MGMT: variants seen among roughly 807,000 people sequenced by gnomAD.
MGMT encodes O-6-methylguanine-DNA methyltransferase.
A neutral mutation model predicts 15.9 loss-of-function variants in MGMT; 14 were observed. That is an observed-to-expected ratio of 0.88 (90% CI 0.58 to 1.37). The LOEUF (loss-of-function observed/expected upper bound fraction) is 1.37, where lower values mean the gene tolerates loss of function less well. Among genes scored for constraint, MGMT ranks in the 40% most tolerant of loss-of-function variants. The probability of loss-of-function intolerance (pLI) is 0.00; values close to 1 mark genes in which losing one functional copy is unlikely to be tolerated. For missense variants in MGMT, 282 were observed against 268.1 expected (o/e 1.05, Z -0.36); for synonymous variants, 130 against 118.2 (o/e 1.10, Z -0.65).
intron 1 of MGMT, among the ~76,000 whole-genome samples, chr10:129,516,261 T>C (rs56794030): frequency 0.16 from 23,749 of 152,226 alleles, 2,583 homozygotes; most frequent in African/African-American, 0.3. Context: ...TCAGCTTTGC[T>C]GTTAGAAACG....
intron 3 of MGMT, among the ~76,000 whole-genome samples, chr10:129,712,932 T>C (rs760052585): frequency 7.2e-5 from 11 of 152,044 alleles, no homozygotes; most frequent in Non-Finnish European, 1.6e-4. Flanking sequence ...CACCCGAGGG[T>C]CCTAGGGCCC....
chr10:129,568,094 A>G (rs776419438), intron 2 of MGMT, among the ~76,000 whole-genome samples: 81 of 152,376 alleles, frequency 5.3e-4, no homozygotes, highest in Non-Finnish European at 9.6e-4. Context: ...ATTAAAAAGT[A>G]TAGAAGTCAG....
rs1337613297 is a variant in MGMT at position 129,766,792 on chromosome 10, C to T, written c.419C>T (p.Pro140Leu). The change falls in exon 5 of 5, where the codon CCC becomes CTC. Residue 140 changes from proline (P) to leucine (L), a missense_variant. Transcript: ENST00000651593. ...VGGAMRGNPV[P>L]ILIPCHRVVC... ...GGCTGCCCCCCTGTCTTCCAGGTCC[C>T]CATCCTCATCCCGTGCCACAGAGTG... 6.2e-7 allele frequency: 1 copy of T among 1,612,282 alleles called. No homozygotes were observed. The highest frequency in any genetic ancestry group is 2.2e-5 in the East Asian group (1 of 44,854).
intron 2 of MGMT, among the ~76,000 whole-genome samples, chr10:129,692,065 A>G (rs527308190): frequency 3.9e-5 from 6 of 152,196 alleles, no homozygotes; most frequent in Admixed American, 2.6e-4. Context: ...CCCAGCACCC[A>G]GTGGGTGCTC....
At chr10:129,669,652 G>A (rs1056808622) in intron 2 of MGMT, among the ~76,000 whole-genome samples, 3 of 152,098 alleles carry the variant, frequency 2.0e-5, no homozygotes, top group Admixed American at 2.0e-4. Flanking sequence ...TTGAAATATG[G>A]AGATTTCTTT....
intron 4 of MGMT, among the ~76,000 whole-genome samples, chr10:129,762,883 A>G (rs1414289292): frequency 6.6e-6 from 1 of 152,098 alleles, no homozygotes; most frequent in Non-Finnish European, 1.5e-5. Context: ...ACAGGGAGCT[A>G]TTGATTACAG....
chr10:129,610,995 A>G (rs966987710), intron 2 of MGMT, among the ~76,000 whole-genome samples: 13 of 152,184 alleles, frequency 8.5e-5, no homozygotes, highest in African/African-American at 2.7e-4. Context: ...GTAGTTAACT[A>G]TGCCTCTAAT....
At chr10:129,562,538 C>T (rs1192904973) in intron 2 of MGMT, among the ~76,000 whole-genome samples, 1 of 152,232 alleles carries the variant, frequency 6.6e-6, no homozygotes, top group Non-Finnish European at 1.5e-5. Flanking sequence ...AAAGCAGTTG[C>T]ATGTGTCAGG....
At chr10:129,483,412 GA>G (rs1239651166) in intron 1 of MGMT, among the ~76,000 whole-genome samples, 1 of 151,522 alleles carries the variant, frequency 6.6e-6, no homozygotes, top group East Asian at 2.0e-4. Context: ...TTTTACACCT[GA>G]AAACCTTGTA....
chr10:129,580,913 T>C (rs1196918439), intron 2 of MGMT, among the ~76,000 whole-genome samples: 2 of 152,230 alleles, frequency 1.3e-5, no homozygotes, highest in African/African-American at 4.8e-5. Context: ...CCATGGTTGC[T>C]GTTGAGAAAT....
intron 2 of MGMT, among the ~76,000 whole-genome samples, chr10:129,656,330 C>T (rs993447335): frequency 3.3e-5 from 5 of 152,198 alleles, no homozygotes; most frequent in Admixed American, 6.5e-5. Flanking sequence ...GCTTCAGCCC[C>T]GAGCATGGGA....
intron 2 of MGMT, among the ~76,000 whole-genome samples, chr10:129,633,564 C>T (rs141542768): frequency 2.0e-5 from 3 of 152,168 alleles, no homozygotes; most frequent in African/African-American, 4.8e-5. Context: ...TTAAAACTAG[C>T]GACTTCATTT....
intron 3 of MGMT, among the ~76,000 whole-genome samples, chr10:129,754,971 T>G (rs2133181965): frequency 6.6e-6 from 1 of 152,318 alleles, no homozygotes; most frequent in Non-Finnish European, 1.5e-5. Context: ...AGGCTTTGCC[T>G]CCAGGGCTCA....
chr10:129,500,722 G>T (rs537018874), intron 1 of MGMT, among the ~76,000 whole-genome samples: 51 of 152,008 alleles, frequency 3.4e-4, no homozygotes, highest in African/African-American at 1.1e-3. Context: ...CCTGATTTTT[G>T]TATGTTTTTG....
intron 2 of MGMT, among the ~76,000 whole-genome samples, chr10:129,545,282 C>A (rs1013360331): frequency 3.3e-5 from 5 of 152,144 alleles, no homozygotes; most frequent in African/African-American, 1.2e-4. Context: ...GTTGAGGGAG[C>A]CTCTGAGACC....
At chr10:129,687,868 C>T (rs1267326034) in intron 2 of MGMT, among the ~76,000 whole-genome samples, 1 of 151,676 alleles carries the variant, frequency 6.6e-6, no homozygotes, top group Non-Finnish European at 1.5e-5. Flanking sequence ...CCACAACAGG[C>T]CCTGGTGTGT....
At position 129,630,917 on chromosome 10, in the gene MGMT, T is replaced by A. The variant is rs180987970; in HGVS notation, c.126-76978T>A. 3.3e-3 allele frequency among the ~76,000 whole-genome samples: 508 copies of A among 152,354 alleles called. 2 individuals are homozygous for A. The highest frequency in any genetic ancestry group is 6.1e-3 in the Admixed American group (94 of 15,304). On this transcript the variant is annotated intron_variant, in intron 2 of 4. Coordinates refer to ENST00000651593, the MANE Select transcript of MGMT (RefSeq NM_002412.5). ...CTCACGTTAAAAATAGTTGCTTTATTTTGTAAATGTTTTAGAAAAGTGCAT... is the reference window on the plus strand; with the variant it reads ...CTCACGTTAAAAATAGTTGCTTTATATTGTAAATGTTTTAGAAAAGTGCAT...
intron 2 of MGMT, among the ~76,000 whole-genome samples, chr10:129,578,830 A>G (rs1846519017): frequency 6.6e-6 from 1 of 152,238 alleles, no homozygotes; most frequent in Non-Finnish European, 1.5e-5. Context: ...ATAATTTAAT[A>G]GTTACAACTA....
intron 2 of MGMT, among the ~76,000 whole-genome samples, chr10:129,704,478 G>A (rs1229180338): frequency 6.6e-6 from 1 of 152,128 alleles, no homozygotes; most frequent in East Asian, 1.9e-4. Flanking sequence ...GTTCCCTTGG[G>A]CAGGGATCTG....
Sources: gnomAD v4.1 joint callset for allele counts (sites outside exome capture counted in the v4.1 genomes callset) on GRCh38, gnomAD v4.1.1 for gene constraint, MANE v1.5 for transcripts, NCBI Gene and HGNC (gene_info 2026-07-23, HGNC 2026-07-21) for gene names.